Variants in TSHZ2 observed in about 807,000 individuals in gnomAD.
TSHZ2 encodes teashirt zinc finger homeobox 2, also known as teashirt homolog 2.
Under a neutral mutation model 74.4 loss-of-function variants are expected in TSHZ2, and 21 were observed. The ratio of observed to expected loss-of-function variants is 0.28; its 90% CI spans 0.20 to 0.41. The LOEUF (loss-of-function observed/expected upper bound fraction) is 0.41, where lower values mean the gene tolerates loss of function less well. Ranked by LOEUF, TSHZ2 falls within the 10% of genes least tolerant of loss-of-function variation. The pLI, the probability that TSHZ2 is intolerant of heterozygous loss-of-function variation, is 1.00. For missense variants in TSHZ2, 1,244 were observed against 1,293.5 expected, an observed-to-expected ratio of 0.96 and a Z score of 0.59; for synonymous variants, 540 against 515.3, an observed-to-expected ratio of 1.05 and a Z score of -0.65.
intron 2 of TSHZ2, among the ~76,000 whole-genome samples, chr20:53,276,733 G>C (rs771297992): frequency 6.6e-6 from 1 of 152,178 alleles, no homozygotes; most frequent in Non-Finnish European, 1.5e-5. Flanking sequence ...ATAGGTCCAG[G>C]GTGGAGCGAG....
intron 1 of TSHZ2, among the ~76,000 whole-genome samples, chr20:52,993,328 C>G (rs182909620): frequency 1.3e-5 from 2 of 152,134 alleles, no homozygotes; most frequent in African/African-American, 4.8e-5. Flanking sequence ...TAAAATATAA[C>G]GTATTCTTGC....
intron 2 of TSHZ2, among the ~76,000 whole-genome samples, chr20:53,306,373 G>T (rs56048016): frequency 4.8e-4 from 73 of 152,268 alleles, no homozygotes; most frequent in African/African-American, 1.7e-3. Flanking sequence ...CGTGTATTTT[G>T]CTTCTCCAGC....
In TSHZ2 at chr20:53,299,153, A is replaced by G. The variant is rs148813997; in HGVS notation, c.*8+42582A>G. Reference sequence around the variant, plus strand: ...TAGCTAACTAGACCCCATCTGTTCTATAAAAGAGAGGAAGCCGCACCCTGT... The same window carrying G: ...TAGCTAACTAGACCCCATCTGTTCTGTAAAAGAGAGGAAGCCGCACCCTGT... On this transcript the variant is annotated intron_variant, in intron 2 of 2. Coordinates refer to ENST00000371497, the MANE Select transcript of TSHZ2 (RefSeq NM_173485.6). 9.2e-5 allele frequency among the ~76,000 whole-genome samples: 14 copies of G among 152,356 alleles called. No homozygotes were observed. The East Asian group carries it at 1.2e-3, about 13-fold the overall frequency.
In TSHZ2 at chr20:53,256,557, A is replaced by G. The variant is rs144402933; in HGVS notation, c.3099A>G (p.Glu1033=). Residue 1033 remains glutamate, a synonymous_variant, in exon 2 of 3, where the codon GAA becomes GAG. Coordinates refer to ENST00000371497, the MANE Select transcript of TSHZ2 (RefSeq NM_173485.6). This position sits in a 1 kb window ranked among gnomAD's most constrained non-coding sequence, Gnocchi z 4.3. ...CACAGTTTGTAACAGACGTGGATGA[A>G]GAATAGCTCTGCAGGTATGGGTTTG... The part of the protein sequence containing the change: ...HHSQFVTDVD[E]E 71 of 1,582,634 alleles carry G rather than the reference A, an allele frequency of 4.5e-5. No homozygotes were observed. The East Asian group carries it at 1.6e-3, about 35-fold the overall frequency.
At chr20:53,214,583 C>T (rs553381668) in intron 1 of TSHZ2, among the ~76,000 whole-genome samples, 6 of 152,274 alleles carry the variant, frequency 3.9e-5, no homozygotes, top group South Asian at 2.1e-4. Context: ...CATGGTGGCA[C>T]GTGCCTTTAA....
At chr20:53,080,719 G>A (rs1020764473) in intron 1 of TSHZ2, among the ~76,000 whole-genome samples, 1 of 152,130 alleles carries the variant, frequency 6.6e-6, no homozygotes, top group Non-Finnish European at 1.5e-5. Context: ...CTCGCCCACC[G>A]CTCACCTCCT....
chr20:53,415,188 C>G (rs551394126), intron 2 of TSHZ2, among the ~76,000 whole-genome samples: 3 of 152,096 alleles, frequency 2.0e-5, no homozygotes, highest in African/African-American at 2.4e-5. Flanking sequence ...TATTGAAAAC[C>G]CTTAAGGCTT....
At chr20:53,414,348 A>C (rs112663863) in intron 2 of TSHZ2, among the ~76,000 whole-genome samples, 1 of 151,514 alleles carries the variant, frequency 6.6e-6, no homozygotes, top group East Asian at 2.0e-4. Flanking sequence ...GGCTCAACAT[A>C]GTGGCTCACA....
intron 1 of TSHZ2, among the ~76,000 whole-genome samples, chr20:53,050,183 ATATGTATATATATATATG>A (rs1429308108): frequency 1.4e-5 from 2 of 146,088 alleles, no homozygotes; most frequent in African/African-American, 2.5e-5. Flanking sequence ...ATACACATAT[ATATGTATATATATATATG>A]TATGTATATA....
chr20:53,257,860 C>T, intron 2 of TSHZ2, among the ~76,000 whole-genome samples: 1 of 152,190 alleles, frequency 6.6e-6, no homozygotes, highest in East Asian at 1.9e-4. Flanking sequence ...TCACCACACC[C>T]TATTGTCAGA....
chr20:53,173,372 G>A lies in TSHZ2; in HGVS notation c.41-80127G>A, dbSNP rs903195253. On this transcript the variant is annotated intron_variant, in intron 1 of 2. Coordinates refer to ENST00000371497, the MANE Select transcript of TSHZ2 (RefSeq NM_173485.6). ...ACCTGTAATCCCAACACTTTGGGAG[G>A]CAGAGGCAGGCGGATCACTAGGTCA... Among the ~76,000 whole-genome samples the A allele has an allele frequency of 2.6e-5, 4 of 152,176 alleles. No individual in the cohort carries two copies. The South Asian group carries it at 6.2e-4, about 24-fold the overall frequency.
intron 1 of TSHZ2, among the ~76,000 whole-genome samples, chr20:53,060,781 C>G (rs932049626): frequency 2.2e-4 from 33 of 152,068 alleles, no homozygotes; most frequent in African/African-American, 8.0e-4. Context: ...ACAACAGTAT[C>G]CTTTAAAAGT....
At chr20:53,149,930 A>G (rs1165372928) in intron 1 of TSHZ2, among the ~76,000 whole-genome samples, 1 of 152,220 alleles carries the variant, frequency 6.6e-6, no homozygotes, top group Non-Finnish European at 1.5e-5. Context: ...ATCTCCAGGG[A>G]TCAGGGAATA....
intron 2 of TSHZ2, among the ~76,000 whole-genome samples, chr20:53,425,915 A>G (rs1469740340): frequency 6.6e-6 from 1 of 152,076 alleles, no homozygotes; most frequent in African/African-American, 2.4e-5. Flanking sequence ...GAACATGACA[A>G]AAAAGGGAAT....
chr20:53,377,709 A>G (rs1247913861), intron 2 of TSHZ2, among the ~76,000 whole-genome samples: 3 of 152,100 alleles, frequency 2.0e-5, no homozygotes, highest in Non-Finnish European at 4.4e-5. Context: ...AAAAAATACA[A>G]AAAATTAGCT....
chr20:53,036,585 C>T (rs1201974407), intron 1 of TSHZ2, among the ~76,000 whole-genome samples: 1 of 148,874 alleles, frequency 6.7e-6, no homozygotes, highest in Non-Finnish European at 1.5e-5. Context: ...AAAATGTATT[C>T]TACATTTTAT....
intron 2 of TSHZ2, among the ~76,000 whole-genome samples, chr20:53,455,074 C>A (rs1568925579): frequency 6.6e-6 from 1 of 151,900 alleles, no homozygotes; most frequent in East Asian, 1.9e-4. Flanking sequence ...ATTGACCTCC[C>A]ATCTCCTGAG....
At chr20:53,171,573 A>G (rs1310431395) in intron 1 of TSHZ2, among the ~76,000 whole-genome samples, 1 of 151,732 alleles carries the variant, frequency 6.6e-6, no homozygotes, top group African/African-American at 2.4e-5. Flanking sequence ...ATTAAGTGTT[A>G]TGTTTATAAA....
chr20:53,345,506 C>T (rs566278604), intron 2 of TSHZ2, among the ~76,000 whole-genome samples: 1 of 152,070 alleles, frequency 6.6e-6, no homozygotes, highest in Non-Finnish European at 1.5e-5. Flanking sequence ...AATTAAAACT[C>T]CTACTATCAT....
Sources: gnomAD v4.1 joint callset for allele counts (sites outside exome capture counted in the v4.1 genomes callset) on GRCh38, gnomAD v4.1.1 for gene constraint, Gnocchi (gnomAD v3.1) non-coding constraint, MANE v1.5 for transcripts, NCBI Gene and HGNC (gene_info 2026-07-23, HGNC 2026-07-21) for gene names.